Variants in PIK3AP1 observed in about 807,000 individuals in gnomAD.
The protein encoded by PIK3AP1 is phosphoinositide-3-kinase adaptor protein 1.
In PIK3AP1, 21 loss-of-function variants were observed where a neutral mutation model predicts 88.1. The ratio of observed to expected loss-of-function variants is 0.24; its 90% confidence interval spans 0.17 to 0.34. PIK3AP1 has a LOEUF of 0.34. PIK3AP1 is among the 10% of genes least tolerant of loss of function. The pLI is 1.00. For synonymous variants in PIK3AP1, 398 were observed against 400.0 expected, an observed-to-expected ratio of 1.00 and a Z score of 0.06; for missense variants, 828 against 1,035.7, an observed-to-expected ratio of 0.80 and a Z score of 2.75.
At chr10:96,697,861 CA>C (rs1474672391) in intron 2 of PIK3AP1, among the ~76,000 whole-genome samples, 1 of 152,134 alleles carries the variant, frequency 6.6e-6, no homozygotes, top group Non-Finnish European at 1.5e-5. Flanking sequence ...TATATCCTTT[CA>C]GGAAAAAAAG....
At position 96,708,574 on chromosome 10, in the gene PIK3AP1, CAAAAAAAAAAAAAAAA is replaced by C. The variant is rs924470384; in HGVS notation, c.430+977_430+992del. On this transcript the variant is annotated intron_variant, in intron 2 of 16. Coordinates refer to ENST00000339364, the MANE Select transcript of PIK3AP1 (RefSeq NM_152309.3). ...TGGACGTCAGAGCGAGGATCTGTCT[CAAAAAAAAAAAAAAAA>C]AAAAAAAAAAAGCAAAAAGAAAGCA... 1.2e-3 allele frequency among the ~76,000 whole-genome samples: 15 copies of C among 12,828 alleles called. No individual in the cohort carries two copies. The South Asian group carries it at 0.036, about 31-fold the overall frequency. The allele number at this position is 12,828 out of a possible 152,430, so 8.4% of individuals were successfully genotyped here.
At chr10:96,685,310 G>A (rs533514117) in intron 2 of PIK3AP1, among the ~76,000 whole-genome samples, 25 of 152,252 alleles carry the variant, frequency 1.6e-4, no homozygotes, top group South Asian at 1.5e-3. Context: ...CAAAGAGAGA[G>A]CACCTCCAAA....
At chr10:96,692,684 G>C (rs1488788636) in intron 2 of PIK3AP1, among the ~76,000 whole-genome samples, 1 of 152,190 alleles carries the variant, frequency 6.6e-6, no homozygotes, top group Non-Finnish European at 1.5e-5. Context: ...AACAACAATT[G>C]ATTTAGTCCT....
chr10:96,613,134 G>A (rs1849156799), intron 13 of PIK3AP1, among the ~76,000 whole-genome samples: 1 of 151,140 alleles, frequency 6.6e-6, no homozygotes, highest in African/African-American at 2.4e-5. Flanking sequence ...GAGTAGCTGG[G>A]ACTAGAGGCG....
chr10:96,613,871 A>C (rs1485307452), intron 13 of PIK3AP1, among the ~76,000 whole-genome samples: 1 of 152,114 alleles, frequency 6.6e-6, no homozygotes, highest in East Asian at 1.9e-4. Context: ...TTATACCCCA[A>C]CTCATTCAAT....
chr10:96,622,206 C>T (rs555331765), intron 11 of PIK3AP1, among the ~76,000 whole-genome samples: 1 of 152,352 alleles, frequency 6.6e-6, no homozygotes, highest in African/African-American at 2.4e-5. Flanking sequence ...CAGCTGGCTA[C>T]CCTTGGGTTG....
chr10:96,699,503 A>C (rs1589545144), intron 2 of PIK3AP1, among the ~76,000 whole-genome samples: 1 of 152,322 alleles, frequency 6.6e-6, no homozygotes, highest in Admixed American at 6.5e-5. Context: ...AGCTGCTAAA[A>C]AATTTTGAAT....
At chr10:96,629,703 C>A (rs1227277018) in intron 8 of PIK3AP1, among the ~76,000 whole-genome samples, 1 of 116,010 alleles carries the variant, frequency 8.6e-6, no homozygotes, top group Non-Finnish European at 1.8e-5. Flanking sequence ...CACAGTGAGA[C>A]CCCATCTCTA....
intron 1 of PIK3AP1, among the ~76,000 whole-genome samples, chr10:96,710,191 C>T (rs1418381981): frequency 1.3e-5 from 2 of 151,700 alleles, no homozygotes; most frequent in Non-Finnish European, 2.9e-5. Flanking sequence ...CTTATCTTTG[C>T]CCAAACATAC....
intron 2 of PIK3AP1, among the ~76,000 whole-genome samples, chr10:96,708,403 C>T (rs1230882186): frequency 2.0e-5 from 3 of 151,034 alleles, no homozygotes; most frequent in African/African-American, 4.9e-5. Flanking sequence ...GGTAAAATCC[C>T]GTCTCTACTA....
At chr10:96,598,626 G>T (rs1251294040) in intron 16 of PIK3AP1, among the ~76,000 whole-genome samples, 1 of 152,212 alleles carries the variant, frequency 6.6e-6, no homozygotes, top group East Asian at 1.9e-4. Context: ...ATCTACACAA[G>T]GGTCGCAACA....
chr10:96,623,338 C>T (rs1468131363), intron 11 of PIK3AP1, 134 bp downstream of exon 11: 8 of 843,680 alleles, frequency 9.5e-6, no homozygotes, highest in African/African-American at 1.7e-5. Context: ...GCTGGGACTA[C>T]AGGCGTGAGC....
chr10:96,644,475 G>A (rs1843433138), intron 8 of PIK3AP1, among the ~76,000 whole-genome samples: 1 of 152,080 alleles, frequency 6.6e-6, no homozygotes, highest in South Asian at 2.1e-4. Flanking sequence ...TATTGGCTGG[G>A]AGTCACAAGT....
At chr10:96,610,394 A>C (rs1459665033) in intron 13 of PIK3AP1, among the ~76,000 whole-genome samples, 1 of 152,230 alleles carries the variant, frequency 6.6e-6, no homozygotes, top group Non-Finnish European at 1.5e-5. Flanking sequence ...GCCAGCAGAA[A>C]CTAAGGTACA....
At chr10:96,703,531 CCA>C (rs1026763298) in intron 2 of PIK3AP1, among the ~76,000 whole-genome samples, 2 of 152,102 alleles carry the variant, frequency 1.3e-5, no homozygotes, top group African/African-American at 4.8e-5. Context: ...TCAATATCAC[CCA>C]CAGAGTCCTT....
At chr10:96,651,921 T>C (rs914861014) in intron 4 of PIK3AP1, among the ~76,000 whole-genome samples, 2 of 152,156 alleles carry the variant, frequency 1.3e-5, no homozygotes, top group African/African-American at 2.4e-5. Flanking sequence ...TTTTACTCAC[T>C]ACTGTAGGCC....
chr10:96,683,215 A>C (rs1228560203), intron 2 of PIK3AP1, among the ~76,000 whole-genome samples: 2 of 152,224 alleles, frequency 1.3e-5, no homozygotes, highest in African/African-American at 4.8e-5. Flanking sequence ...GTAATTGGCA[A>C]ATCCCCCAAA....
At chr10:96,676,079 C>A (rs570917044) in intron 2 of PIK3AP1, among the ~76,000 whole-genome samples, 1 of 152,118 alleles carries the variant, frequency 6.6e-6, no homozygotes, top group Non-Finnish European at 1.5e-5. Context: ...CTACCTACAA[C>A]CACAACTCCT....
At chr10:96,683,029 T>C (rs1844023414) in intron 2 of PIK3AP1, among the ~76,000 whole-genome samples, 1 of 152,206 alleles carries the variant, frequency 6.6e-6, no homozygotes, top group African/African-American at 2.4e-5. Context: ...GTCTCCAGGA[T>C]TTGGTCCAGT....
Sources: gnomAD v4.1 joint callset for allele counts (sites outside exome capture counted in the v4.1 genomes callset) on GRCh38, gnomAD v4.1.1 for gene constraint, MANE v1.5 for transcripts, NCBI Gene and HGNC (gene_info 2026-07-23, HGNC 2026-07-21) for gene names.